Variants in SCN11A observed in about 807,000 individuals in gnomAD.
SCN11A encodes sodium voltage-gated channel alpha subunit 11, also known as sodium channel protein type 11 subunit alpha.
A neutral mutation model predicts 162.2 loss-of-function variants in SCN11A; 122 were observed. That is an observed-to-expected ratio of 0.75 (90% CI 0.65 to 0.87). The LOEUF (loss-of-function observed/expected upper bound fraction) is 0.87, where lower values mean the gene tolerates loss of function less well. SCN11A is among the 40% of genes least tolerant of loss of function. SCN11A has a pLI of 0.00. For missense variants in SCN11A, 2,015 were observed against 2,181.6 expected, an observed-to-expected ratio of 0.92 and a Z score of 1.52; for synonymous variants, 758 against 751.5, an observed-to-expected ratio of 1.01 and a Z score of -0.14.
chr3:39,044,998 G>C (rs2032150198), intron 1 of SCN11A, among the ~76,000 whole-genome samples: 1 of 151,842 alleles, frequency 6.6e-6, no homozygotes, highest in South Asian at 2.1e-4. Flanking sequence ...GAATACAAAA[G>C]ATCATTAGAG....
chr3:38,940,457 A>G (rs2066424109), intron 7 of SCN11A, among the ~76,000 whole-genome samples: 1 of 152,236 alleles, frequency 6.6e-6, no homozygotes, highest in Admixed American at 6.5e-5. Flanking sequence ...TTGATAGTTA[A>G]AAAGTGTGGT....
chr3:38,849,916 G>A (rs1181977874), intron 29 of SCN11A: 1 of 152,344 alleles, frequency 6.6e-6, no homozygotes, highest in Non-Finnish European at 1.5e-5. Flanking sequence ...AGTTAACATG[G>A]GATATAGAAT....
At chr3:39,010,286 G>A (rs910391687) in intron 2 of SCN11A, among the ~76,000 whole-genome samples, 2 of 151,956 alleles carry the variant, frequency 1.3e-5, no homozygotes, top group African/African-American at 4.8e-5. Flanking sequence ...AACAAGTCCT[G>A]TGGAATTATT....
chr3:38,980,920 A>T (rs991057486), intron 2 of SCN11A, among the ~76,000 whole-genome samples: 1 of 152,212 alleles, frequency 6.6e-6, no homozygotes, highest in Non-Finnish European at 1.5e-5. Flanking sequence ...CACTTTTTTT[A>T]AAACCACAAC....
chr3:38,962,310 AG>A (rs537316089), intron 2 of SCN11A, among the ~76,000 whole-genome samples: 225 of 152,258 alleles, frequency 1.5e-3, no homozygotes, highest in African/African-American at 5.0e-3. Context: ...TGACGCCTCC[AG>A]ATTTGTTGTT....
chr3:38,934,525 G>A (rs1367281616), intron 7 of SCN11A, among the ~76,000 whole-genome samples: 1 of 152,126 alleles, frequency 6.6e-6, no homozygotes, highest in Non-Finnish European at 1.5e-5. Context: ...ATAAAAGGAT[G>A]GAGGAAGATC....
At chr3:39,020,035 GCT>G (rs746293604) in intron 2 of SCN11A, among the ~76,000 whole-genome samples, 2 of 152,272 alleles carry the variant, frequency 1.3e-5, no homozygotes, top group Non-Finnish European at 2.9e-5. Context: ...TTACATCCCT[GCT>G]CTGTCTTTTT....
At chr3:38,858,053 C>A (rs1165107211) in intron 28 of SCN11A, among the ~76,000 whole-genome samples, 5 of 151,874 alleles carry the variant, frequency 3.3e-5, no homozygotes, top group Admixed American at 1.3e-4. Context: ...AACAAACAAA[C>A]AAACAAAACC....
At chr3:38,900,096 G>C in intron 16 of SCN11A, 23 bp from the exon 17 acceptor site, 1 of 1,601,690 alleles carries the variant, frequency 6.2e-7, no homozygotes, top group African/African-American at 1.3e-5. Flanking sequence ...AAAGAAGAAT[G>C]AGAGAAGGAA....
At chr3:39,031,842 TAA>T (rs1375811956) in intron 2 of SCN11A, among the ~76,000 whole-genome samples, 2 of 152,334 alleles carry the variant, frequency 1.3e-5, no homozygotes, top group East Asian at 1.9e-4. Flanking sequence ...AGGCTTGCAT[TAA>T]AAAGTTTATT....
At chr3:38,985,805 T>G (rs1352085686) in intron 2 of SCN11A, among the ~76,000 whole-genome samples, 1 of 150,878 alleles carries the variant, frequency 6.6e-6, no homozygotes, top group African/African-American at 2.5e-5. Flanking sequence ...TAGCCATAAG[T>G]GTTTACCATC....
At chr3:38,937,353 A>C (rs1290875880) in intron 7 of SCN11A, among the ~76,000 whole-genome samples, 1 of 150,286 alleles carries the variant, frequency 6.7e-6, no homozygotes, top group Admixed American at 6.6e-5. Context: ...AATGGCAACA[A>C]AAGCCAAAAT....
intron 2 of SCN11A, among the ~76,000 whole-genome samples, chr3:38,968,216 C>A (rs538062350): frequency 1.3e-5 from 2 of 152,186 alleles, no homozygotes. Flanking sequence ...TCCTAGTACA[C>A]CTGACAGAAA....
chr3:38,933,370 C>A (rs7642432), intron 7 of SCN11A, among the ~76,000 whole-genome samples: 1 of 152,164 alleles, frequency 6.6e-6, no homozygotes. Flanking sequence ...CAAAGCAGGA[C>A]GGAGAATGAC....
chr3:38,974,462 G>A (rs1277668873), intron 2 of SCN11A, among the ~76,000 whole-genome samples: 4 of 152,010 alleles, frequency 2.6e-5, no homozygotes, highest in East Asian at 1.9e-4. Context: ...TTGGGAGGCC[G>A]AGGCGGGCAG....
intron 28 of SCN11A, among the ~76,000 whole-genome samples, chr3:38,857,670 G>C (rs2064892335): frequency 6.6e-6 from 1 of 152,016 alleles, no homozygotes; most frequent in Non-Finnish European, 1.5e-5. Context: ...ATCACAAAAA[G>C]ATTATCACCT....
intron 7 of SCN11A, among the ~76,000 whole-genome samples, chr3:38,937,990 A>C (rs2066364072): frequency 6.6e-6 from 1 of 152,218 alleles, no homozygotes; most frequent in South Asian, 2.1e-4. Context: ...CAAATGTCCA[A>C]CAATGATAGA....
At chr3:38,936,312 G>C (rs1170434586) in intron 7 of SCN11A, among the ~76,000 whole-genome samples, 3 of 150,570 alleles carry the variant, frequency 2.0e-5, no homozygotes, top group Non-Finnish European at 4.4e-5. Context: ...ACTGGCACAA[G>C]ACAGGGATGC....
intron 7 of SCN11A, among the ~76,000 whole-genome samples, chr3:38,927,663 A>G (rs2066165275): frequency 1.3e-5 from 2 of 152,204 alleles, no homozygotes; most frequent in African/African-American, 4.8e-5. Context: ...AAAAATTACC[A>G]TTATGGTGGA....
Sources: gnomAD v4.1 joint callset for allele counts (sites outside exome capture counted in the v4.1 genomes callset) on GRCh38, gnomAD v4.1.1 for gene constraint, MANE v1.5 for transcripts, NCBI Gene and HGNC (gene_info 2026-07-23, HGNC 2026-07-21) for gene names.